The following CDH4 variants were observed in gnomAD, a reference collection of about 807,000 sequenced individuals.
CDH4 encodes cadherin 4.
In CDH4, 33 loss-of-function variants were observed where a neutral mutation model predicts 86.0. That is an observed-to-expected ratio of 0.38 (90% CI 0.29 to 0.51). The LOEUF (loss-of-function observed/expected upper bound fraction) is 0.51, where lower values mean the gene tolerates loss of function less well. Ranked by LOEUF, CDH4 falls within the 20% of genes least tolerant of loss-of-function variation. The pLI is 0.86. For missense variants in CDH4, 1,114 were observed against 1,307.4 expected (o/e 0.85, Z 2.28); for synonymous variants, 555 against 549.4 (o/e 1.01, Z -0.14).
chr20:61,612,584 C>T (rs747795600), intron 2 of CDH4, among the ~76,000 whole-genome samples: 30 of 152,170 alleles, frequency 2.0e-4, no homozygotes, highest in Middle Eastern at 6.8e-3. Flanking sequence ...CTGACTTTGC[C>T]GTGGGATTTG....
chr20:61,353,764 C>CTCCCCCTCCCCCTCCTCCT (rs2084730315), intron 2 of CDH4, among the ~76,000 whole-genome samples: 1 of 141,786 alleles, frequency 7.1e-6, no homozygotes, highest in African/African-American at 2.6e-5. Flanking sequence ...ATGATTCACC[C>CTCCCCCTCCCCCTCCTCCT]CAGTTCACCT....
chr20:61,904,156 C>T (rs939582172), intron 8 of CDH4, among the ~76,000 whole-genome samples: 3 of 152,180 alleles, frequency 2.0e-5, no homozygotes, highest in African/African-American at 4.8e-5. Flanking sequence ...ACCGAGCTGG[C>T]GGGAGCCGTC....
intron 4 of CDH4, among the ~76,000 whole-genome samples, chr20:61,812,090 C>A (rs562451485): frequency 6.6e-6 from 1 of 152,126 alleles, no homozygotes; most frequent in African/African-American, 2.4e-5. Context: ...AGCACTCTCA[C>A]CGTGCCTTAG....
chr20:61,757,630 G>A, intron 3 of CDH4, among the ~76,000 whole-genome samples: 1 of 152,346 alleles, frequency 6.6e-6, no homozygotes, highest in East Asian at 1.9e-4. Context: ...GCAGACCTCA[G>A]TGCAGACACT....
At chr20:61,605,377 C>G (rs1276996625) in intron 2 of CDH4, among the ~76,000 whole-genome samples, 4 of 152,042 alleles carry the variant, frequency 2.6e-5, no homozygotes, top group Non-Finnish European at 5.9e-5. Context: ...TTCTCTCCCT[C>G]TCTGTATCTC....
intron 2 of CDH4, among the ~76,000 whole-genome samples, chr20:61,565,387 A>G (rs62199242): frequency 0.025 from 384 of 15,096 alleles, 71 homozygotes; most frequent in Non-Finnish European, 0.03. Context: ...CCTCTTGGTG[A>G]TGGGGTGATG....
At chr20:61,483,006 G>A (rs182197713) in intron 2 of CDH4, among the ~76,000 whole-genome samples, 2 of 152,346 alleles carry the variant, frequency 1.3e-5, no homozygotes, top group African/African-American at 4.8e-5. Flanking sequence ...TCAGCCCCCA[G>A]ATCTGCTGCT....
intron 2 of CDH4, among the ~76,000 whole-genome samples, chr20:61,631,799 G>C (rs935291867): frequency 1.3e-5 from 2 of 152,254 alleles, no homozygotes; most frequent in East Asian, 3.8e-4. Context: ...CTGGGAAGTG[G>C]CTGAAGGTGT....
chr20:61,849,465 TG>T (rs1982613007), intron 5 of CDH4, among the ~76,000 whole-genome samples: 1 of 152,234 alleles, frequency 6.6e-6, no homozygotes, highest in African/African-American at 2.4e-5. Flanking sequence ...CTTGTGTTTC[TG>T]CTCCGGGTCT....
intron 6 of CDH4, among the ~76,000 whole-genome samples, chr20:61,854,542 G>T (rs541264379): frequency 7.0e-4 from 101 of 145,092 alleles, no homozygotes; most frequent in African/African-American, 2.5e-3. Flanking sequence ...AGGGTGAATT[G>T]TGCCTTTGGC....
At chr20:61,355,811 A>G (rs573551687) in intron 2 of CDH4, among the ~76,000 whole-genome samples, 201 of 152,316 alleles carry the variant, frequency 1.3e-3, no homozygotes, top group Non-Finnish European at 1.7e-3. Context: ...CATGCGCACT[A>G]CAGTCAGAAG....
Position 61,524,366 on chromosome 20 carries a change from G to A in CDH4, c.170-219197G>A, listed in dbSNP as rs748005738. On this transcript the variant is annotated intron_variant, in intron 2 of 15. Transcript: ENST00000614565. Reference sequence around the variant, plus strand: ...ACACCTGCATTCGTGCGATTGTGTCGGCATCCTATTCCCGCATTCAACCGT... The same window carrying A: ...ACACCTGCATTCGTGCGATTGTGTCAGCATCCTATTCCCGCATTCAACCGT... Among the ~76,000 whole-genome samples, 90 of 152,144 alleles carry A rather than the reference G, an allele frequency of 5.9e-4. 3 individuals are homozygous for A. The highest frequency in any genetic ancestry group is 3.2e-4 in the Non-Finnish European group (22 of 68,036).
chr20:61,873,053 C>G (rs1600726941), intron 6 of CDH4, among the ~76,000 whole-genome samples: 1 of 152,234 alleles, frequency 6.6e-6, no homozygotes, highest in Non-Finnish European at 1.5e-5. Context: ...CTATAGACCT[C>G]AACCCCAATG....
intron 2 of CDH4, among the ~76,000 whole-genome samples, chr20:61,701,930 A>C (rs1158818792): frequency 1.3e-5 from 2 of 152,210 alleles, no homozygotes; most frequent in Admixed American, 6.5e-5. Flanking sequence ...CTCAGGCCGA[A>C]GAGAAGTTCA....
intron 2 of CDH4, among the ~76,000 whole-genome samples, chr20:61,486,234 C>T (rs1288553245): frequency 1.3e-5 from 2 of 152,258 alleles, no homozygotes; most frequent in African/African-American, 2.4e-5. Flanking sequence ...GAAACCTGCA[C>T]AGTTCTACAA....
intron 2 of CDH4, among the ~76,000 whole-genome samples, chr20:61,534,248 T>C (rs1350759470): frequency 6.6e-6 from 1 of 152,208 alleles, no homozygotes; most frequent in Non-Finnish European, 1.5e-5. Flanking sequence ...ATTGAGAGTG[T>C]TCCATTTTTT....
chr20:61,485,082 G>A (rs1380033966), intron 2 of CDH4, among the ~76,000 whole-genome samples: 1 of 152,196 alleles, frequency 6.6e-6, no homozygotes, highest in Non-Finnish European at 1.5e-5. Context: ...TTCGTGAAAT[G>A]AATTGGCATG....
intron 4 of CDH4, among the ~76,000 whole-genome samples, chr20:61,799,621 C>T (rs1044843238): frequency 6.6e-6 from 1 of 152,208 alleles, no homozygotes; most frequent in Non-Finnish European, 1.5e-5. Context: ...GGATACCACA[C>T]TCAGCCTGGG....
chr20:61,479,377 G>A (rs2085556987), intron 2 of CDH4, among the ~76,000 whole-genome samples: 1 of 150,772 alleles, frequency 6.6e-6, no homozygotes, highest in South Asian at 2.1e-4. Context: ...ACAGGCCCCG[G>A]TGTGTGATAT....
Sources: allele counts gnomAD v4.1 joint callset (sites outside exome capture counted in the v4.1 genomes callset), GRCh38; gene constraint gnomAD v4.1.1; transcripts MANE v1.5; gene names NCBI Gene and HGNC (gene_info 2026-07-23, HGNC 2026-07-21).